TMEFF2: variants seen among roughly 807,000 people sequenced by gnomAD.
The protein encoded by TMEFF2 is transmembrane protein with EGF like and two follistatin like domains 2.
In TMEFF2, 28 loss-of-function variants were observed where a neutral mutation model predicts 53.8. The observed-to-expected ratio is 0.52, with a 90% confidence interval of 0.39 to 0.71. TMEFF2 has a LOEUF of 0.71. Ranked by LOEUF, TMEFF2 falls within the 30% of genes least tolerant of loss-of-function variation. TMEFF2 has a pLI of 0.00. For missense variants in TMEFF2, 353 were observed against 455.2 expected (o/e 0.78, Z 2.04); for synonymous variants, 162 against 166.3 (o/e 0.97, Z 0.20).
chr2:191,992,667 G>A (rs764678076), intron 7 of TMEFF2: 2 of 152,030 alleles, frequency 1.3e-5, no homozygotes, highest in South Asian at 2.1e-4. Flanking sequence ...TTTACTTTCT[G>A]TTTATTTTTA....
intron 4 of TMEFF2, among the ~76,000 whole-genome samples, chr2:192,131,005 C>T (rs572274431): frequency 6.6e-6 from 1 of 152,126 alleles, no homozygotes; most frequent in African/African-American, 2.4e-5. Flanking sequence ...CGCAGGGACG[C>T]CTGCCTTGGT....
intron 4 of TMEFF2, among the ~76,000 whole-genome samples, chr2:192,076,826 G>A (rs868167219): frequency 1.3e-5 from 2 of 152,150 alleles, no homozygotes; most frequent in African/African-American, 4.8e-5. Flanking sequence ...TGATCAGGGA[G>A]CAGCCAGTGA....
intron 4 of TMEFF2, among the ~76,000 whole-genome samples, chr2:192,088,078 G>GT (rs1425330769): frequency 4.6e-5 from 7 of 152,102 alleles, no homozygotes; most frequent in East Asian, 1.9e-4. Context: ...TCAGTGTCAG[G>GT]TTTTTTTGTC....
At chr2:191,953,924 C>G in intron 8 of TMEFF2, 87 bp from the exon 9 acceptor site, 1 of 1,043,422 alleles carries the variant, frequency 9.6e-7, no homozygotes, top group Non-Finnish European at 1.3e-6. Flanking sequence ...GAGTCTCGCT[C>G]TGTCGCCCAG....
intron 5 of TMEFF2, among the ~76,000 whole-genome samples, chr2:192,000,512 G>C (rs1354608064): frequency 2.6e-5 from 4 of 152,132 alleles, no homozygotes; most frequent in Non-Finnish European, 5.9e-5. Flanking sequence ...GAACTTTTAA[G>C]TATACAGATT....
chr2:192,070,905 A>G (rs1688280071), intron 4 of TMEFF2, among the ~76,000 whole-genome samples: 1 of 151,856 alleles, frequency 6.6e-6, no homozygotes, highest in African/African-American at 2.4e-5. Context: ...TGCATTTCCT[A>G]GGTGCCTTGT....
intron 5 of TMEFF2, among the ~76,000 whole-genome samples, chr2:192,001,920 G>C (rs1574281253): frequency 6.6e-6 from 1 of 152,196 alleles, no homozygotes; most frequent in East Asian, 1.9e-4. Context: ...AATTGGACTG[G>C]TTAGAATCAG....
intron 7 of TMEFF2, among the ~76,000 whole-genome samples, chr2:191,975,259 T>TTTC (rs201960346): frequency 0.012 from 696 of 57,110 alleles, 8 homozygotes; most frequent in East Asian, 0.053. Flanking sequence ...TTTTTTTCTT[T>TTTC]TTCTTCTTTT....
intron 7 of TMEFF2, among the ~76,000 whole-genome samples, chr2:191,964,370 TTC>T (rs369058132): frequency 0.33 from 23,446 of 71,566 alleles, 3,123 homozygotes; most frequent in African/African-American, 0.37. Flanking sequence ...CTTTCTTTCT[TTC>T]TCTTTCTTTC....
intron 4 of TMEFF2, among the ~76,000 whole-genome samples, chr2:192,082,263 G>T (rs1202155382): frequency 1.3e-5 from 2 of 151,870 alleles, no homozygotes; most frequent in Non-Finnish European, 2.9e-5. Flanking sequence ...TCTTACTATT[G>T]TTCCCTTACC....
chr2:191,952,113 T>C (rs1574237456), intron 9 of TMEFF2, among the ~76,000 whole-genome samples: 2 of 152,330 alleles, frequency 1.3e-5, no homozygotes, highest in Middle Eastern at 3.4e-3. Context: ...TCAGGGTCTC[T>C]ATCTTGAAAG....
At chr2:192,035,106 A>G (rs1687253236) in intron 5 of TMEFF2, 1 of 152,188 alleles carries the variant, frequency 6.6e-6, no homozygotes, top group East Asian at 1.9e-4. Context: ...CAGGCAGGGT[A>G]TAATGTTATG....
intron 5 of TMEFF2, among the ~76,000 whole-genome samples, chr2:192,039,847 A>T (rs566701806): frequency 6.6e-6 from 1 of 152,138 alleles, no homozygotes; most frequent in African/African-American, 2.4e-5. Context: ...GGCTGAGATT[A>T]TTGATAATTG....
chr2:191,984,786 C>T (rs1685937543), intron 7 of TMEFF2, among the ~76,000 whole-genome samples: 1 of 152,008 alleles, frequency 6.6e-6, no homozygotes, highest in Non-Finnish European at 1.5e-5. Context: ...GAGCCCTTAT[C>T]CTTTTGGGAA....
intron 5 of TMEFF2, among the ~76,000 whole-genome samples, chr2:192,026,298 A>AG (rs1387897595): frequency 2.0e-5 from 3 of 152,188 alleles, no homozygotes; most frequent in Admixed American, 2.0e-4. Flanking sequence ...TGGGAAGTGG[A>AG]GGGAAAGCTC....
At position 192,165,046 on chromosome 2, in the gene TMEFF2, C is replaced by G. The variant is rs986656698; in HGVS notation, c.439+14622G>C. Among the ~76,000 whole-genome samples, 3 of 149,228 alleles carry G rather than the reference C, an allele frequency of 2.0e-5. No homozygotes were observed. The East Asian group carries it at 6.1e-4, about 30-fold the overall frequency. On this transcript the variant is annotated intron_variant, in intron 4 of 9. Coordinates refer to ENST00000272771, the MANE Select transcript of TMEFF2 (RefSeq NM_016192.4). ...CATACTTGCATGTGCAGGAGACTAG[C>G]AAGCCAAAGACACATCACACAAAAC...
intron 5 of TMEFF2, among the ~76,000 whole-genome samples, chr2:192,048,361 AACACACACACAC>A (rs3053696): frequency 5.6e-5 from 8 of 143,258 alleles, no homozygotes; most frequent in Admixed American, 1.4e-4. Flanking sequence ...ATTCTCATAA[AACACACACACAC>A]ACACACACAC....
chr2:191,958,394 T>C (rs1245058455), intron 7 of TMEFF2, among the ~76,000 whole-genome samples: 1 of 152,248 alleles, frequency 6.6e-6, no homozygotes, highest in African/African-American at 2.4e-5. Flanking sequence ...TTTTCAGATA[T>C]AGTATTTTCC....
At chr2:192,000,717 A>G (rs1415527933) in intron 5 of TMEFF2, among the ~76,000 whole-genome samples, 1 of 152,198 alleles carries the variant, frequency 6.6e-6, no homozygotes, top group Admixed American at 6.5e-5. Context: ...AATTACCTAG[A>G]TTGCTGTTTA....
Sources: allele counts gnomAD v4.1 joint callset (sites outside exome capture counted in the v4.1 genomes callset), GRCh38; gene constraint gnomAD v4.1.1; transcripts MANE v1.5; gene names NCBI Gene and HGNC (gene_info 2026-07-23, HGNC 2026-07-21).